The following GOLM1 variants were observed in gnomAD, a reference collection of about 807,000 sequenced individuals.
The protein encoded by GOLM1 is epididymis luminal protein 46.
In GOLM1, 31 loss-of-function variants were observed where a neutral mutation model predicts 50.5. That is an observed-to-expected ratio of 0.61 (90% CI 0.46 to 0.83). GOLM1 has a LOEUF of 0.83. Among genes scored for constraint, GOLM1 ranks in the 40% least tolerant of loss-of-function variants. GOLM1 has a pLI of 0.00. For missense variants in GOLM1, 491 were observed against 501.3 expected, an observed-to-expected ratio of 0.98 and a Z score of 0.20; for synonymous variants, 178 against 192.8, an observed-to-expected ratio of 0.92 and a Z score of 0.64.
chr9:86,098,091 T>C (rs554864732), intron 1 of GOLM1, among the ~76,000 whole-genome samples: 1 of 152,178 alleles, frequency 6.6e-6, no homozygotes, highest in Non-Finnish European at 1.5e-5. Context: ...AATGTGAAAA[T>C]TGGATAACCT....
At position 86,094,705 on chromosome 9, in the gene GOLM1, G is replaced by A. The variant is rs1367712502; in HGVS notation, c.-22+4706C>T. On this transcript the variant is annotated intron_variant, in intron 1 of 9. Coordinates refer to ENST00000388712, the MANE Select transcript of GOLM1 (RefSeq NM_016548.4). ...AGCACTTTGGTAGGCTGAGGCAGGA[G>A]GATCACTTGAGCCCAGGAATTCGAG... Among the ~76,000 whole-genome samples the A allele has an allele frequency of 5.9e-5, 9 of 152,136 alleles. 1 individual carries two copies. In the East Asian group the frequency reaches 1.7e-3, roughly 29 times the overall value.
chr9:86,053,276 C>G (rs998435990), intron 3 of GOLM1, among the ~76,000 whole-genome samples: 6 of 141,506 alleles, frequency 4.2e-5, no homozygotes, highest in African/African-American at 1.6e-4. Flanking sequence ...CCAGACCACA[C>G]CACACACCAT....
rs1832823599 is a variant in GOLM1, at chr9:86,027,522, T to G, written c.*295A>C. ...ATATTCCAGAATCAGGAAGCCCCGC[T>G]GTCGCCAACACTTGAAGGAGAACTA... On this transcript the variant is annotated 3_prime_UTR_variant, in exon 10 of 10. Coordinates refer to ENST00000388712, the MANE Select transcript of GOLM1 (RefSeq NM_016548.4). 1.7e-6 allele frequency: 2 copies of G among 1,185,846 alleles called. No individual in the cohort carries two copies. Among genetic ancestry groups the G allele is most frequent in the African/African-American group, 3.2e-5 (2 of 62,408 alleles). The allele number at this position is 1,185,846 out of a possible 1,614,324, so 73.5% of individuals were successfully genotyped here. A position where few individuals can be genotyped will look rare whatever the true frequency, so the allele number is the denominator to read the frequency against.
At chr9:86,033,514 C>G in intron 8 of GOLM1, 119 bp from the exon 9 acceptor site, 1 of 660,604 alleles carries the variant, frequency 1.5e-6, no homozygotes, top group Non-Finnish European at 2.7e-6. Context: ...TGTCTGCTGC[C>G]TCTCTGGAAA....
chr9:86,089,037 AT>A (rs1563969285), intron 1 of GOLM1, among the ~76,000 whole-genome samples: 1 of 152,150 alleles, frequency 6.6e-6, no homozygotes, highest in Non-Finnish European at 1.5e-5. Flanking sequence ...GTTTGGCTAG[AT>A]ATGAAATTCC....
intron 1 of GOLM1, among the ~76,000 whole-genome samples, chr9:86,098,829 C>T (rs1324757167): frequency 2.0e-5 from 3 of 152,202 alleles, no homozygotes; most frequent in Non-Finnish European, 2.9e-5. Context: ...GGGATGCAGC[C>T]GCGCTCTGGA....
At chr9:86,035,956 C>G (rs1833128322) in intron 7 of GOLM1, among the ~76,000 whole-genome samples, 1 of 151,492 alleles carries the variant, frequency 6.6e-6, no homozygotes, top group Non-Finnish European at 1.5e-5. Flanking sequence ...GCTGAGTGAC[C>G]TGATCATCGG....
At chr9:86,096,803 T>G (rs1168115077) in intron 1 of GOLM1, among the ~76,000 whole-genome samples, 1 of 152,184 alleles carries the variant, frequency 6.6e-6, no homozygotes. Context: ...AGCAAATACA[T>G]GTAGTTTATA....
At chr9:86,047,682 C>T (rs1833596573) in intron 4 of GOLM1, among the ~76,000 whole-genome samples, 1 of 152,144 alleles carries the variant, frequency 6.6e-6, no homozygotes, top group Non-Finnish European at 1.5e-5. Flanking sequence ...ATAAACGATA[C>T]TTTAATATGC....
At chr9:86,083,570 T>C (rs1834852560) in intron 1 of GOLM1, among the ~76,000 whole-genome samples, 1 of 152,182 alleles carries the variant, frequency 6.6e-6, no homozygotes, top group South Asian at 2.1e-4. Flanking sequence ...GTACTTTTAG[T>C]AGAGACAGTG....
At chr9:86,052,321 C>G (rs1369123065) in intron 4 of GOLM1, among the ~76,000 whole-genome samples, 2 of 152,164 alleles carry the variant, frequency 1.3e-5, no homozygotes, top group African/African-American at 4.8e-5. Flanking sequence ...TCTTCTGTAC[C>G]TAACAGCTTG....
chr9:86,062,213 G>A (rs1365805673), intron 3 of GOLM1, among the ~76,000 whole-genome samples: 1 of 152,118 alleles, frequency 6.6e-6, no homozygotes, highest in East Asian at 1.9e-4. Context: ...ATGCTCCCAG[G>A]ACCCGCCCTG....
At chr9:86,094,014 C>T (rs1320674794) in intron 1 of GOLM1, among the ~76,000 whole-genome samples, 1 of 152,220 alleles carries the variant, frequency 6.6e-6, no homozygotes. Flanking sequence ...AATGAGCAAA[C>T]AGACCTGAGC....
intron 3 of GOLM1, among the ~76,000 whole-genome samples, chr9:86,061,670 C>G (rs995519784): frequency 1.3e-5 from 2 of 152,120 alleles, no homozygotes; most frequent in Non-Finnish European, 2.9e-5. Flanking sequence ...CAAAGTGGAA[C>G]CTAAGCAGGG....
At chr9:86,028,448 C>T (rs560039674) in intron 9 of GOLM1, among the ~76,000 whole-genome samples, 1 of 152,352 alleles carries the variant, frequency 6.6e-6, no homozygotes, top group South Asian at 2.1e-4. Context: ...TGCTATCCCC[C>T]TTCTGGCTCC....
chr9:86,071,536 G>T (rs146859794), intron 3 of GOLM1, among the ~76,000 whole-genome samples: 1 of 151,890 alleles, frequency 6.6e-6, no homozygotes, highest in Admixed American at 6.5e-5. Flanking sequence ...AAAATTAGCC[G>T]GGTGTGGTGG....
intron 1 of GOLM1, among the ~76,000 whole-genome samples, chr9:86,087,709 T>C (rs892175302): frequency 6.6e-6 from 1 of 152,204 alleles, no homozygotes; most frequent in African/African-American, 2.4e-5. Context: ...CATGTGGTTT[T>C]TGCCATTGGT....
chr9:86,048,619 T>C (rs1205984473), intron 4 of GOLM1, among the ~76,000 whole-genome samples: 1 of 152,256 alleles, frequency 6.6e-6, no homozygotes, highest in Non-Finnish European at 1.5e-5. Context: ...ATTTCTCTGA[T>C]GACCAGTGAT....
chr9:86,033,255 C>T lies in GOLM1; in HGVS notation c.1129+27G>A, dbSNP rs373783470. 43 of 1,247,374 alleles carry T rather than the reference C, an allele frequency of 3.4e-5. No individual in the cohort carries two copies. The Middle Eastern group carries it at 9.3e-4, about 27-fold the overall frequency. 77.3% of individuals were successfully genotyped at this position (1,247,374 alleles called of 1,614,324 possible). ...AGGAAAGAGAAATGAAAGGTGACCT[C>T]GTCACCGATGTAGGCCCCATTCTTA... On this transcript the variant is annotated intron_variant, in intron 9 of 9. Transcript: ENST00000388712.
Sources: allele counts gnomAD v4.1 joint callset (sites outside exome capture counted in the v4.1 genomes callset), GRCh38; gene constraint gnomAD v4.1.1; transcripts MANE v1.5; gene names NCBI Gene and HGNC (gene_info 2026-07-23, HGNC 2026-07-21).